The following TENM2 variants were observed in gnomAD, a reference collection of about 807,000 sequenced individuals.
The protein encoded by TENM2 is teneurin-2.
TENM2 carries 52 observed loss-of-function variants against 245.2 expected under a neutral mutation model. The ratio of observed to expected loss-of-function variants is 0.21; its 90% confidence interval spans 0.17 to 0.27. TENM2 has a LOEUF of 0.27. Among genes scored for constraint, TENM2 ranks in the 10% least tolerant of loss-of-function variants. The probability of loss-of-function intolerance (pLI) is 1.00; values close to 1 mark genes in which losing one functional copy is unlikely to be tolerated. For missense variants in TENM2, 3,046 were observed against 3,666.8 expected (o/e 0.83, Z 4.37); for synonymous variants, 1,363 against 1,438.9 (o/e 0.95, Z 1.19).
the TENM2 span, among the ~76,000 whole-genome samples, chr5:167,163,464 T>G: frequency 6.6e-6 from 1 of 152,228 alleles, no homozygotes; most frequent in Non-Finnish European, 1.5e-5. Context: ...AATATGCATG[T>G]TTTTAACAGA....
intron 19 of TENM2, among the ~76,000 whole-genome samples, chr5:168,205,582 G>A (rs1036598388): frequency 1.3e-5 from 2 of 152,120 alleles, no homozygotes; most frequent in East Asian, 1.9e-4. Flanking sequence ...AGTGATAGAC[G>A]TCAGCCATGG....
At chr5:168,129,481 A>T (rs556616588) in intron 12 of TENM2, 1 of 152,320 alleles carries the variant, frequency 6.6e-6, no homozygotes, top group South Asian at 2.1e-4. Flanking sequence ...TCTGTATGTT[A>T]TAAAGATCTT....
the TENM2 span, among the ~76,000 whole-genome samples, chr5:167,104,924 A>T: frequency 6.6e-6 from 1 of 152,340 alleles, no homozygotes; most frequent in South Asian, 2.1e-4. Flanking sequence ...GTGATGAAAT[A>T]TGTTTTGTCA....
chr5:167,609,501 AAAAAAAAAAAAC>A lies in TENM2; in HGVS notation c.502+234033_502+234044del, dbSNP rs1483166181. 1.3e-3 allele frequency among the ~76,000 whole-genome samples: 183 copies of A among 144,810 alleles called. 2 individuals are homozygous for A. Among genetic ancestry groups the A allele is most frequent in the African/African-American group, 4.2e-3 (169 of 39,948 alleles). ...TGCCTGATGATGCAAAAAAAAAAAA[AAAAAAAAAAAAC>A]AAAACCTTACCTAGAAGGTTTTTTA... On this transcript the variant is annotated intron_variant, in intron 2 of 28. Transcript: ENST00000518659.
At chr5:167,551,834 T>C (rs1306760451) in intron 2 of TENM2, among the ~76,000 whole-genome samples, 1 of 152,196 alleles carries the variant, frequency 6.6e-6, no homozygotes, top group Non-Finnish European at 1.5e-5. Context: ...TGCTCCTTAT[T>C]GGGACAGCTA....
At chr5:167,308,946 G>A (rs1355807731) in intron 1 of TENM2, among the ~76,000 whole-genome samples, 2 of 148,216 alleles carry the variant, frequency 1.3e-5, no homozygotes, top group African/African-American at 2.5e-5. Context: ...AATCATCAAC[G>A]CCCAACCTTG....
chr5:168,085,353 T>G (rs1236799623), intron 7 of TENM2: 1 of 152,210 alleles, frequency 6.6e-6, no homozygotes, highest in East Asian at 1.9e-4. Context: ...CCTCTGTAGC[T>G]TCCATCTGCT....
chr5:167,808,264 C>CTGTT (rs780125438), intron 2 of TENM2, among the ~76,000 whole-genome samples: 1 of 151,938 alleles, frequency 6.6e-6, no homozygotes, highest in Admixed American at 6.6e-5. Context: ...TTTTGTTTGT[C>CTGTT]TGTTTGTTTG....
intron 2 of TENM2, among the ~76,000 whole-genome samples, chr5:167,786,604 A>ACTGAC (rs1460378411): frequency 6.6e-6 from 1 of 152,220 alleles, no homozygotes; most frequent in African/African-American, 2.4e-5. Flanking sequence ...AAAGGAATAA[A>ACTGAC]CTGACCAGGC....
intron 2 of TENM2, among the ~76,000 whole-genome samples, chr5:167,724,132 C>T (rs1285973894): frequency 6.6e-6 from 1 of 152,188 alleles, no homozygotes; most frequent in Non-Finnish European, 1.5e-5. Context: ...TTATATATCT[C>T]ATTGCATCTT....
chr5:167,277,979 A>G, the TENM2 span, among the ~76,000 whole-genome samples: 4 of 140,634 alleles, frequency 2.8e-5, no homozygotes, highest in Admixed American at 7.3e-5. Context: ...GTTTTGTTTT[A>G]TTTTCAATGT....
chr5:167,070,219 T>G, the TENM2 span, among the ~76,000 whole-genome samples: 1 of 150,360 alleles, frequency 6.7e-6, no homozygotes, highest in Non-Finnish European at 1.5e-5. Flanking sequence ...CCGGGTTCAC[T>G]CCATTCTCCT....
intron 5 of TENM2, among the ~76,000 whole-genome samples, chr5:168,022,207 G>A (rs1786212411): frequency 1.3e-5 from 2 of 152,246 alleles, no homozygotes; most frequent in South Asian, 4.1e-4. Context: ...TGGGGATGCA[G>A]CGCAGAGAAG....
At chr5:167,434,536 A>T (rs554381546) in intron 2 of TENM2, among the ~76,000 whole-genome samples, 4 of 151,990 alleles carry the variant, frequency 2.6e-5, no homozygotes, top group Non-Finnish European at 5.9e-5. Flanking sequence ...TGTTTTCAAA[A>T]TAAGTATTTT....
At position 168,218,597 on chromosome 5, in the gene TENM2, C is replaced by T. The variant is rs534289475; in HGVS notation, c.4706C>T (p.Ala1569Val). 8.1e-5 allele frequency: 131 copies of T among 1,613,984 alleles called. No individual in the cohort carries two copies. The highest frequency in any genetic ancestry group is 9.7e-5 in the Non-Finnish European group (114 of 1,179,900). ...GACCTTGGAAATATTCGGATCAGGG[C>T]GGTCAGCAAGAACAAGCCTGTTCTT... The change falls in exon 23 of 29, where the codon GCG (alanine) becomes GTG (valine). Residue 1569 changes from alanine to valine, a missense_variant. By Grantham distance (64) the Ala-to-Val change is moderately conservative. Around this residue, in one of 2 missense-constraint regions of TENM2, gnomAD observed 2,704 missense variants for 3,331.9 expected, o/e 0.81. Coordinates refer to ENST00000518659, the Ensembl canonical transcript of TENM2. The surrounding 1 kb of genome is among the most constrained non-coding windows in gnomAD (Gnocchi z 5.2).
At chr5:167,357,230 A>G (rs1759395288) in intron 1 of TENM2, among the ~76,000 whole-genome samples, 1 of 152,102 alleles carries the variant, frequency 6.6e-6, no homozygotes, top group South Asian at 2.1e-4. Flanking sequence ...TTCAGGAATA[A>G]CATGGTCCAC....
chr5:167,702,964 CTTTT>C (rs1245951522), intron 2 of TENM2, among the ~76,000 whole-genome samples: 1 of 152,128 alleles, frequency 6.6e-6, no homozygotes, highest in East Asian at 1.9e-4. Context: ...CGCCCAGCCA[CTTTT>C]TTATTTTCTT....
At chr5:167,470,726 T>C (rs1173069132) in intron 2 of TENM2, among the ~76,000 whole-genome samples, 1 of 151,940 alleles carries the variant, frequency 6.6e-6, no homozygotes, top group Non-Finnish European at 1.5e-5. Flanking sequence ...GTCATACATA[T>C]CACATGCCTG....
chr5:168,101,851 AT>A (rs11319668), intron 9 of TENM2, among the ~76,000 whole-genome samples: 126,933 of 152,088 alleles, frequency 0.83, 53,157 homozygotes, highest in East Asian at 0.97. Flanking sequence ...TTCCCTTAGT[AT>A]TTTTTTAAAT....
Sources: allele counts gnomAD v4.1 joint callset (sites outside exome capture counted in the v4.1 genomes callset), GRCh38; gene constraint gnomAD v4.1.1; regional missense constraint gnomAD v4.1.1; non-coding constraint Gnocchi (gnomAD v3.1); transcripts MANE v1.5; gene names NCBI Gene and HGNC (gene_info 2026-07-23, HGNC 2026-07-21).